GINS1: variants seen among roughly 807,000 people sequenced by gnomAD.
The protein encoded by GINS1 is DNA replication complex GINS protein PSF1.
Under a neutral mutation model 34.9 loss-of-function variants are expected in GINS1, and 26 were observed. The observed-to-expected ratio is 0.74, with a 90% CI of 0.55 to 1.03. The LOEUF (loss-of-function observed/expected upper bound fraction) is 1.03, where lower values mean the gene tolerates loss of function less well. Among genes scored for constraint, GINS1 ranks in the 50% least tolerant of loss-of-function variants. The probability of loss-of-function intolerance (pLI) is 0.00; values close to 1 mark genes in which losing one functional copy is unlikely to be tolerated. For synonymous variants in GINS1, 97 were observed against 84.4 expected (o/e 1.15, Z -0.82); for missense variants, 235 against 237.9 (o/e 0.99, Z 0.08).
chr20:25,434,631 G>A (rs950000588), intron 5 of GINS1, among the ~76,000 whole-genome samples: 2 of 152,066 alleles, frequency 1.3e-5, no homozygotes, highest in African/African-American at 2.4e-5. Flanking sequence ...ATTTTTTGTA[G>A]AGATGTGACC....
intron 5 of GINS1, among the ~76,000 whole-genome samples, chr20:25,434,237 C>G (rs6050613): frequency 6.6e-6 from 1 of 151,656 alleles, no homozygotes; most frequent in African/African-American, 2.4e-5. Context: ...GAACTGAGAT[C>G]GCACCATTGC....
chr20:25,421,258 C>G (rs2090353742), intron 4 of GINS1, among the ~76,000 whole-genome samples: 1 of 152,120 alleles, frequency 6.6e-6, no homozygotes, highest in Middle Eastern at 3.2e-3. Context: ...AAAATTTTAG[C>G]AAATTCCTGG....
intron 4 of GINS1, among the ~76,000 whole-genome samples, chr20:25,422,304 T>G (rs1330360771): frequency 6.6e-6 from 1 of 152,004 alleles, no homozygotes; most frequent in East Asian, 1.9e-4. Context: ...CTGGATGCAG[T>G]GGCTCACACC....
At position 25,417,074 on chromosome 20, in the gene GINS1, AT is replaced by A. The variant is rs754286066; in HGVS notation, c.141-22del. On this transcript the variant is annotated intron_variant, in intron 2 of 6. Coordinates refer to ENST00000262460, the MANE Select transcript of GINS1 (RefSeq NM_021067.5). The stretch of plus-strand genomic sequence containing the variant: ...ATTTTACTTATCCTGAAAAGTACAT[AT>A]TTTTTTTCTTTTTAAATGCTCCTAT... The A allele has an allele frequency of 7.2e-5, 72 of 995,250 alleles. No homozygotes were observed. The Admixed American group carries it at 9.7e-4, about 13-fold the overall frequency. 61.7% of individuals were successfully genotyped at this position (995,250 alleles called of 1,614,324 possible). A position where few individuals can be genotyped will look rare whatever the true frequency, so the allele number is the denominator to read the frequency against.
In GINS1 at chr20:25,442,858, A is replaced by C. The variant is rs562713507; in HGVS notation, c.522+1082A>C. ...TGAGCTCAAGCAATCCACCCACCTC[A>C]GCCTCCCAAAGTGCTGGGATTACAG... On this transcript the variant is annotated intron_variant, in intron 6 of 6. Transcript: ENST00000262460. Among the ~76,000 whole-genome samples the C allele has an allele frequency of 1.9e-3, 285 of 152,184 alleles. 1 individual carries two copies. The highest frequency in any genetic ancestry group is 2.8e-3 in the Admixed American group (43 of 15,270).
Position 25,446,068 on chromosome 20 carries a change from C to T in GINS1, c.*77C>T, listed in dbSNP as rs1314667201. On this transcript the variant is annotated 3_prime_UTR_variant, in exon 7 of 7. Coordinates refer to ENST00000262460, the MANE Select transcript of GINS1 (RefSeq NM_021067.5). ...CTCACTCTCTCCACCACTCCCTTCA[C>T]CTCCCTCTTTGATTTTAGAAGCTAT... The T allele has an allele frequency of 4.2e-6, 3 of 712,338 alleles. No homozygotes were observed. Among genetic ancestry groups the T allele is most frequent in the South Asian group, 1.9e-5 (1 of 52,586 alleles). The allele number at this position is 712,338 out of a possible 1,614,324, so 44.1% of individuals were successfully genotyped here. A position where few individuals can be genotyped will look rare whatever the true frequency, so the allele number is the denominator to read the frequency against.
chr20:25,407,902 G>A lies in GINS1; in HGVS notation c.75+7G>A, dbSNP rs1339697183. 5 of 1,609,098 alleles carry A rather than the reference G, an allele frequency of 3.1e-6. No homozygotes were observed. The highest frequency in any genetic ancestry group is 1.1e-5 in the South Asian group (1 of 90,946). ...GCAACTGCCTGCCTTCAACGTGAGGGGCGGGTAGACTTGGACGGGGCATGC... is the reference window on the plus strand; with the variant it reads ...GCAACTGCCTGCCTTCAACGTGAGGAGCGGGTAGACTTGGACGGGGCATGC... On this transcript the variant is annotated splice_region_variant and intron_variant, in intron 1 of 6. Transcript: ENST00000262460.
intron 4 of GINS1, among the ~76,000 whole-genome samples, chr20:25,423,274 C>T (rs2090367862): frequency 6.7e-6 from 1 of 150,094 alleles, no homozygotes; most frequent in Admixed American, 6.7e-5. Context: ...CCACCATGCC[C>T]GGCTAATTTT....
At chr20:25,439,183 AT>A (rs1472851737) in intron 5 of GINS1, among the ~76,000 whole-genome samples, 39 of 152,222 alleles carry the variant, frequency 2.6e-4, no homozygotes, top group African/African-American at 9.4e-4. Context: ...GGGCCCACTG[AT>A]TAATCTCAAC....
At chr20:25,434,758 TAA>T (rs937371782) in intron 5 of GINS1, among the ~76,000 whole-genome samples, 6 of 152,202 alleles carry the variant, frequency 3.9e-5, no homozygotes, top group Non-Finnish European at 7.3e-5. Context: ...CTGTCTCAAT[TAA>T]TTCTGGAGGC....
chr20:25,409,438 T>C (rs1406902543), intron 1 of GINS1, among the ~76,000 whole-genome samples: 2 of 152,126 alleles, frequency 1.3e-5, no homozygotes, highest in East Asian at 3.9e-4. Flanking sequence ...GAAGCAAACA[T>C]GACTTGTAGC....
intron 5 of GINS1, among the ~76,000 whole-genome samples, chr20:25,429,563 T>G (rs1034115155): frequency 8.5e-5 from 13 of 152,114 alleles, no homozygotes; most frequent in African/African-American, 2.9e-4. Context: ...TTCTATATAT[T>G]TTATTCTTTT....
intron 6 of GINS1, among the ~76,000 whole-genome samples, chr20:25,444,476 T>TTCTTGGCTCATGTA (rs2090500329): frequency 6.6e-6 from 1 of 152,258 alleles, no homozygotes; most frequent in African/African-American, 2.4e-5. Context: ...TTTTACATTT[T>TTCTTGGCTCATGTA]TCTTGGCTCA....
intron 3 of GINS1, among the ~76,000 whole-genome samples, chr20:25,417,548 T>C (rs547052920): frequency 5.9e-5 from 9 of 152,282 alleles, no homozygotes; most frequent in African/African-American, 1.7e-4. Context: ...TACTATTTTT[T>C]CTTTGTCTTA....
intron 4 of GINS1, among the ~76,000 whole-genome samples, chr20:25,419,295 C>G (rs953469919): frequency 6.6e-6 from 1 of 151,856 alleles, no homozygotes; most frequent in African/African-American, 2.4e-5. Context: ...CACATGTATA[C>G]CTATGTAACA....
chr20:25,426,393 G>A (rs991894345), intron 5 of GINS1, among the ~76,000 whole-genome samples: 7 of 151,704 alleles, frequency 4.6e-5, no homozygotes, highest in Admixed American at 1.3e-4. Flanking sequence ...GAGAAACCCC[G>A]TCTCTACTAA....
At chr20:25,432,411 T>G (rs1568806833) in intron 5 of GINS1, among the ~76,000 whole-genome samples, 1 of 152,010 alleles carries the variant, frequency 6.6e-6, no homozygotes, top group Non-Finnish European at 1.5e-5. Context: ...CAAATGATTC[T>G]CCTACCTTAG....
rs1367619574 is a variant in GINS1, at chr20:25,447,646, T to C, written c.*1655T>C. 6.6e-6 allele frequency: 1 copy of C among 152,256 alleles called. No homozygotes were observed. The highest frequency in any genetic ancestry group is 2.4e-5 in the African/African-American group (1 of 41,466). 9.4% of individuals were successfully genotyped at this position (152,256 alleles called of 1,614,324 possible). Reference sequence around the variant, plus strand: ...AATGTGTCATATTTTTGCTGTTGTTTGTATTTTTTGTAGAGATGGGGTTTC... The same window carrying C: ...AATGTGTCATATTTTTGCTGTTGTTCGTATTTTTTGTAGAGATGGGGTTTC... On this transcript the variant is annotated 3_prime_UTR_variant, in exon 7 of 7. Transcript: ENST00000262460.
rs2090502552 is a variant in GINS1, at chr20:25,444,886, C to G, written c.523-1037C>G. On this transcript the variant is annotated intron_variant, in intron 6 of 6. Transcript: ENST00000262460. ...GAATACTTTTCAACCTTGAGACATA[C>G]AGGAGGAAAGTTGTCACTTGTTATT... Among the ~76,000 whole-genome samples, 3 of 152,164 alleles carry G rather than the reference C, an allele frequency of 2.0e-5. No individual in the cohort carries two copies. The South Asian group carries it at 6.2e-4, about 32-fold the overall frequency.
Sources: allele counts gnomAD v4.1 joint callset (sites outside exome capture counted in the v4.1 genomes callset), GRCh38; gene constraint gnomAD v4.1.1; transcripts MANE v1.5; gene names NCBI Gene and HGNC (gene_info 2026-07-23, HGNC 2026-07-21).